Variants in C12orf60 observed in about 807,000 individuals in gnomAD.
C12orf60 encodes chromosome 12 open reading frame 60.
For synonymous variants in C12orf60, 102 were observed against 94.6 expected, an observed-to-expected ratio of 1.08 and a Z score of -0.45; for missense variants, 284 against 283.2, an observed-to-expected ratio of 1.00 and a Z score of -0.02.
chr12:14,823,771 A>G lies in C12orf60; in HGVS notation c.*98A>G, dbSNP rs948335692. On this transcript the variant is annotated 3_prime_UTR_variant, in exon 2 of 2. Coordinates refer to ENST00000330828, the MANE Select transcript of C12orf60 (RefSeq NM_175874.4). ...GATCTTTTGGTGCCAAACATGTGCT[A>G]TGTTAGAACATAAGTACACAAAAGT... is the stretch of plus-strand genomic sequence containing the variant. 11 of 1,151,682 alleles carry G rather than the reference A, an allele frequency of 9.6e-6. No individual in the cohort carries two copies. The highest frequency in any genetic ancestry group is 4.2e-5 in the South Asian group (2 of 47,650). 71.3% of individuals were successfully genotyped at this position (1,151,682 alleles called of 1,614,324 possible).
Position 14,823,581 on chromosome 12 carries a change from A to G in C12orf60, c.646A>G (p.Lys216Glu), listed in dbSNP as rs749877072. ...SAADLLEQIVKAMGPILEILQ... is the reference protein window; with the variant it reads ...SAADLLEQIVEAMGPILEILQ... Reference sequence around the variant, plus strand: ...AGCAGATTTGTTGGAACAAATTGTCAAGGCTATGGGACCAATCTTAGAGAT... The same window carrying G: ...AGCAGATTTGTTGGAACAAATTGTCGAGGCTATGGGACCAATCTTAGAGAT... Residue 216 changes from lysine (K) to glutamate (E), a missense_variant, in exon 2 of 2, where the codon AAG becomes GAG. Physicochemically the swap from Lys to Glu is moderately conservative, Grantham distance 56. Transcript: ENST00000330828. 4 of 1,613,760 alleles carry G rather than the reference A, an allele frequency of 2.5e-6. No individual in the cohort carries two copies. The Admixed American group carries it at 6.7e-5, about 27-fold the overall frequency.
intron 1 of C12orf60, chr12:14,806,161 T>C: frequency 6.2e-7 from 1 of 1,614,098 alleles, no homozygotes; most frequent in African/African-American, 1.3e-5. Flanking sequence ...CGGACAATCA[T>C]ATCTATGCCA....
At chr12:14,806,602 CAAG>C (rs1360807568) in intron 1 of C12orf60, 2 of 1,613,970 alleles carry the variant, frequency 1.2e-6, no homozygotes, top group East Asian at 4.5e-5. Flanking sequence ...GATAAGCAAT[CAAG>C]AAGCTGCTGG....
In C12orf60 at chr12:14,823,309, C is replaced by T. The variant is rs1459439579; in HGVS notation, c.374C>T (p.Ser125Phe). The change falls in exon 2 of 2, where the codon TCT becomes TTT. Residue 125 changes from serine (S) to phenylalanine (F), a missense_variant. Coordinates refer to ENST00000330828, the MANE Select transcript of C12orf60 (RefSeq NM_175874.4). ...AGTGCCCATACGCCAGTCATCATCT[C>T]TGTGCTAAACAGCAGTAACATCCTT... ...FKSAHTPVII[S>F]VLNSSNILGS... 2.5e-6 allele frequency: 4 copies of T among 1,614,040 alleles called. No individual in the cohort carries two copies. In the African/African-American group the frequency reaches 5.3e-5, roughly 22 times the overall value.
chr12:14,822,913 G>T lies in C12orf60; in HGVS notation c.-23G>T. ...TTGGATTACTGCTTTGCTTTGCAGT[G>T]TTGGAACTTATTTGTTGGAGAAATG... On this transcript the variant is annotated splice_region_variant and 5_prime_UTR_variant, in exon 2 of 2. Transcript: ENST00000330828. 6.5e-7 allele frequency: 1 copy of T among 1,543,978 alleles called. No homozygotes were observed. Among genetic ancestry groups the T allele is most frequent in the Admixed American group, 2.1e-5 (1 of 48,736 alleles).
chr12:14,823,504 A>T lies in C12orf60; in HGVS notation c.569A>T (p.Lys190Ile). Residue 190 changes from lysine to isoleucine, a missense_variant, in exon 2 of 2, where the codon AAA (lysine) becomes ATA (isoleucine). By Grantham distance (102) the Lys-to-Ile change is moderately radical (BLOSUM62 -3). Transcript: ENST00000330828. ...SKTTMIDTLK[K>I]LQDVLKTEDS... is the part of the protein sequence containing the mutation. ...ACCACTATGATAGACACCTTGAAAA[A>T]ACTGCAGGATGTACTAAAAACTGAG... The T allele has an allele frequency of 6.2e-7, 1 of 1,612,916 alleles. No individual in the cohort carries two copies. Among genetic ancestry groups the T allele is most frequent in the Non-Finnish European group, 8.5e-7 (1 of 1,179,760 alleles).
Position 14,823,043 on chromosome 12 carries a change from G to A in C12orf60, c.108G>A (p.Leu36=), listed in dbSNP as rs778353141. 1 of 1,614,054 alleles carries A rather than the reference G, an allele frequency of 6.2e-7. No individual in the cohort carries two copies. Among genetic ancestry groups the A allele is most frequent in the South Asian group, 1.1e-5 (1 of 91,082 alleles). ...CTGTCATAAACACACTGACTGAATT[G>A]TTTAGCCGCAGTATGAATACTCAAA... The part of the protein sequence containing the change: ...LASVINTLTE[L]FSRSMNTQIL... Residue 36 remains leucine, a synonymous_variant, in exon 2 of 2, where the codon TTG becomes TTA. Coordinates refer to ENST00000330828, the MANE Select transcript of C12orf60 (RefSeq NM_175874.4).
chr12:14,820,436 A>T (rs1347850753), intron 1 of C12orf60, among the ~76,000 whole-genome samples: 1 of 151,910 alleles, frequency 6.6e-6, no homozygotes, highest in Non-Finnish European at 1.5e-5. Flanking sequence ...AGTTAAAATT[A>T]TTCATTTTAT....
intron 1 of C12orf60, among the ~76,000 whole-genome samples, chr12:14,818,663 C>T (rs934484164): frequency 1.3e-5 from 2 of 152,128 alleles, no homozygotes; most frequent in Non-Finnish European, 2.9e-5. Flanking sequence ...GCCTGTACTC[C>T]CAGCTACTTG....
At position 14,823,063 on chromosome 12, in the gene C12orf60, C is replaced by T. The variant is rs1304158039; in HGVS notation, c.128C>T (p.Thr43Ile). 2 of 1,614,128 alleles carry T rather than the reference C, an allele frequency of 1.2e-6. No individual in the cohort carries two copies. Among genetic ancestry groups the T allele is most frequent in the South Asian group, 2.2e-5 (2 of 91,080 alleles). The change falls in exon 2 of 2, where the codon ACT (threonine) becomes ATT (isoleucine). Residue 43 changes from threonine to isoleucine, a missense_variant. Thr to Ile is a moderately conservative substitution (Grantham distance 89). Transcript: ENST00000330828. ...GAATTGTTTAGCCGCAGTATGAATA[C>T]TCAAATCCTTTTGATGGCTGTGAAA... ...LTELFSRSMN[T>I]QILLMAVKNN... is the part of the protein sequence containing the mutation.
intron 1 of C12orf60, among the ~76,000 whole-genome samples, chr12:14,817,919 A>G (rs1950247766): frequency 6.6e-6 from 1 of 152,208 alleles, no homozygotes; most frequent in Non-Finnish European, 1.5e-5. Flanking sequence ...ATCTTCCACA[A>G]TGATTGAACT....
At chr12:14,806,105 G>A in intron 1 of C12orf60, 1 of 1,614,142 alleles carries the variant, frequency 6.2e-7, no homozygotes, top group Non-Finnish European at 8.5e-7. Flanking sequence ...CATAACTTTT[G>A]ATGGCTGCTT....
chr12:14,813,596 A>G (rs1461926071), intron 1 of C12orf60, among the ~76,000 whole-genome samples: 2 of 152,252 alleles, frequency 1.3e-5, no homozygotes, highest in African/African-American at 4.8e-5. Context: ...TTTGAAAACG[A>G]CAATGTTCCT....
At chr12:14,806,663 G>A (rs773677201) in intron 1 of C12orf60, 1 of 1,595,910 alleles carries the variant, frequency 6.3e-7, no homozygotes, top group Non-Finnish European at 8.5e-7. Context: ...CTGGGTAAAG[G>A]AAGTCACTTT....
Position 14,816,869 on chromosome 12 carries a change from C to T in C12orf60, c.-24-6043C>T, listed in dbSNP as rs1012085850. ...AAGCAATTCTCCTCCCTCAGCCTCCCGAGTAGCTGGGATTACAGGCGTGTG... is the reference window on the plus strand; with the variant it reads ...AAGCAATTCTCCTCCCTCAGCCTCCTGAGTAGCTGGGATTACAGGCGTGTG... On this transcript the variant is annotated intron_variant, in intron 1 of 1. Transcript: ENST00000330828. Among the ~76,000 whole-genome samples the T allele has an allele frequency of 6.6e-5, 10 of 151,734 alleles. No individual in the cohort carries two copies. In the East Asian group the frequency reaches 1.7e-3, roughly 26 times the overall value.
intron 1 of C12orf60, among the ~76,000 whole-genome samples, chr12:14,822,009 T>A (rs1002060892): frequency 6.6e-5 from 1 of 15,064 alleles, no homozygotes; most frequent in Non-Finnish European, 1.5e-4. Context: ...TGTGTGGGGG[T>A]GGGGTGGGGA....
intron 1 of C12orf60, chr12:14,805,860 G>T: frequency 3.7e-6 from 3 of 811,166 alleles, no homozygotes; most frequent in Admixed American, 5.8e-5. Flanking sequence ...TCTAGTCTTG[G>T]CATCTCCAGT....
intron 1 of C12orf60, among the ~76,000 whole-genome samples, chr12:14,821,102 G>T (rs1950298284): frequency 6.6e-6 from 1 of 152,046 alleles, no homozygotes; most frequent in Non-Finnish European, 1.5e-5. Flanking sequence ...CTTAAATTAA[G>T]TGTAACATTT....
chr12:14,804,634 A>C (rs1205841774), intron 1 of C12orf60: 1 of 152,256 alleles, frequency 6.6e-6, no homozygotes, highest in Non-Finnish European at 1.5e-5. Context: ...CATAAAAAAG[A>C]AAATAATCTT....
Sources: allele counts gnomAD v4.1 joint callset (sites outside exome capture counted in the v4.1 genomes callset), GRCh38; gene constraint gnomAD v4.1.1; transcripts MANE v1.5; gene names NCBI Gene and HGNC (gene_info 2026-07-23, HGNC 2026-07-21).